The following ASCC3 variants were observed in gnomAD, a reference collection of about 807,000 sequenced individuals.
ASCC3 encodes the protein ASC-1 complex subunit P200.
Under a neutral mutation model 256.3 loss-of-function variants are expected in ASCC3, and 158 were observed. That is an observed-to-expected ratio of 0.62 (90% CI 0.54 to 0.70). The LOEUF (loss-of-function observed/expected upper bound fraction) is 0.70. Ranked by LOEUF, ASCC3 falls within the 30% of genes least tolerant of loss-of-function variation. ASCC3 has a pLI of 0.00. For missense variants in ASCC3, 2,259 were observed against 2,626.0 expected (o/e 0.86, Z 3.05); for synonymous variants, 948 against 883.4 (o/e 1.07, Z -1.30).
rs1458727894 is a variant in ASCC3, at chr6:100,583,761, G to A, written c.5550+5873C>T. 3.9e-5 allele frequency among the ~76,000 whole-genome samples: 6 copies of A among 152,242 alleles called. No homozygotes were observed. The East Asian group carries it at 1.2e-3, about 29-fold the overall frequency. On this transcript the variant is annotated intron_variant, in intron 36 of 41. Transcript: ENST00000369162. Reference sequence around the variant, plus strand: ...TTTCCCTCTACACACTGCTTTGAATGTGTCCCAGAGATTCTGGTATGTGTG... The same window carrying A: ...TTTCCCTCTACACACTGCTTTGAATATGTCCCAGAGATTCTGGTATGTGTG...
At chr6:100,603,822 C>G (rs1772747537) in intron 33 of ASCC3, among the ~76,000 whole-genome samples, 1 of 151,786 alleles carries the variant, frequency 6.6e-6, no homozygotes, top group Non-Finnish European at 1.5e-5. Context: ...TTATACATTG[C>G]TTGATTTGAT....
intron 36 of ASCC3, among the ~76,000 whole-genome samples, chr6:100,586,769 A>G (rs1223428526): frequency 6.6e-6 from 1 of 152,126 alleles, no homozygotes; most frequent in Non-Finnish European, 1.5e-5. Context: ...AATGAACCTA[A>G]TTTCTATACG....
intron 8 of ASCC3, among the ~76,000 whole-genome samples, chr6:100,773,754 C>A (rs9322181): frequency 0.55 from 83,399 of 151,840 alleles, 23,263 homozygotes; most frequent in South Asian, 0.75. Context: ...CTACTAAATA[C>A]ATTTTTATTG....
At chr6:100,878,737 G>T (rs1209657615) in intron 1 of ASCC3, among the ~76,000 whole-genome samples, 1 of 152,170 alleles carries the variant, frequency 6.6e-6, no homozygotes, top group Non-Finnish European at 1.5e-5. Flanking sequence ...GCCCTCTTGT[G>T]AGAGTGGAAA....
At chr6:100,707,685 T>C (rs559003962) in intron 13 of ASCC3, among the ~76,000 whole-genome samples, 1 of 152,184 alleles carries the variant, frequency 6.6e-6, no homozygotes, top group Non-Finnish European at 1.5e-5. Context: ...TATCACAAAA[T>C]TGTCTATTTA....
In ASCC3 at chr6:100,725,838, C is replaced by T. The variant is rs568179229; in HGVS notation, c.1738-135G>A. The T allele has an allele frequency of 7.4e-5, 62 of 840,772 alleles. No individual in the cohort carries two copies. In the African/African-American group the frequency reaches 9.9e-4, roughly 13 times the overall value. The allele number at this position is 840,772 out of a possible 1,614,324, so 52.1% of individuals were successfully genotyped here. On this transcript the variant is annotated intron_variant, in intron 10 of 41. Coordinates refer to ENST00000369162, the MANE Select transcript of ASCC3 (RefSeq NM_006828.4). ...AAGTGTTTAGAATAGCCTAGAATTA[C>T]ATCTAATTTACTATAGACAACAGTC...
At chr6:100,662,626 A>T (rs1455342398) in intron 14 of ASCC3, 90 bp from the exon 15 acceptor site, 11 of 1,252,006 alleles carry the variant, frequency 8.8e-6, no homozygotes, top group Non-Finnish European at 1.1e-5. Flanking sequence ...CAAAGAAATC[A>T]GAAAATTATT....
Position 100,867,912 on chromosome 6 carries a change from A to G in ASCC3, c.86T>C (p.Leu29Ser), listed in dbSNP as rs780081587. ...TTCTACCTTTAACAAATCTACCTTT[A>G]AGTCAGCCACTTCTTCATTATAATT... is the stretch of plus-strand genomic sequence containing the variant. ...QDNYNEEVAD[L>S]KIKRSKLHEQ... is the part of the protein sequence containing the mutation. Residue 29 changes from leucine (L) to serine (S), a missense_variant, in exon 2 of 42, where the codon TTA becomes TCA. Physicochemically the swap from Leu to Ser is moderately radical, Grantham distance 145. This residue lies in a region of ASCC3 where 420 missense variants were observed against 419.3 expected (regional missense o/e 1.00). Transcript: ENST00000369162. 5.0e-6 allele frequency: 8 copies of G among 1,609,778 alleles called. No homozygotes were observed. In the East Asian group the frequency reaches 1.3e-4, roughly 27 times the overall value.
intron 4 of ASCC3, among the ~76,000 whole-genome samples, chr6:100,820,715 GA>G (rs35055094): frequency 2.0e-5 from 3 of 150,100 alleles, no homozygotes; most frequent in East Asian, 2.0e-4. Flanking sequence ...CACAGAATAG[GA>G]AAAAAAAAAT....
intron 8 of ASCC3, among the ~76,000 whole-genome samples, chr6:100,795,298 A>C (rs1312167047): frequency 6.6e-6 from 1 of 152,020 alleles, no homozygotes; most frequent in Non-Finnish European, 1.5e-5. Flanking sequence ...GAGAAAGCCT[A>C]TCTGGGAATC....
intron 14 of ASCC3, 144 bp downstream of exon 14, chr6:100,679,474 A>C (rs1777183473): frequency 1.8e-6 from 2 of 1,118,278 alleles, no homozygotes; most frequent in East Asian, 2.4e-5. Context: ...AAGATCATTA[A>C]GTCAAGAAAA....
intron 14 of ASCC3, among the ~76,000 whole-genome samples, chr6:100,665,088 G>A (rs1031538257): frequency 1.3e-5 from 2 of 152,146 alleles, no homozygotes; most frequent in Admixed American, 6.6e-5. Flanking sequence ...ATGTATCTGT[G>A]ATAGAGATGT....
At chr6:100,566,210 T>A (rs541832119) in intron 36 of ASCC3, among the ~76,000 whole-genome samples, 103 of 152,284 alleles carry the variant, frequency 6.8e-4, no homozygotes, top group African/African-American at 2.4e-3. Flanking sequence ...ACATACTAAT[T>A]ATCTAATTAC....
intron 13 of ASCC3, among the ~76,000 whole-genome samples, chr6:100,700,717 GC>G (rs1332606903): frequency 6.6e-6 from 1 of 152,190 alleles, no homozygotes; most frequent in Non-Finnish European, 1.5e-5. Context: ...ACATTTGACT[GC>G]CCCACTGGAT....
chr6:100,720,458 T>G (rs1012663300), intron 11 of ASCC3, among the ~76,000 whole-genome samples: 1 of 151,896 alleles, frequency 6.6e-6, no homozygotes, highest in Non-Finnish European at 1.5e-5. Flanking sequence ...AAGAAGGCAT[T>G]ACATAATTTG....
At chr6:100,811,126 A>G (rs1299077474) in intron 4 of ASCC3, among the ~76,000 whole-genome samples, 2 of 152,160 alleles carry the variant, frequency 1.3e-5, no homozygotes, top group African/African-American at 2.4e-5. Context: ...AAAAAATCAC[A>G]TAAGTGATGA....
chr6:100,875,038 A>C (rs1164373818), intron 1 of ASCC3, among the ~76,000 whole-genome samples: 1 of 152,206 alleles, frequency 6.6e-6, no homozygotes, highest in East Asian at 1.9e-4. Context: ...TCACTGAAAA[A>C]ATACTAACAT....
intron 10 of ASCC3, among the ~76,000 whole-genome samples, chr6:100,751,555 A>C (rs572592140): frequency 1.1e-4 from 17 of 152,106 alleles, no homozygotes; most frequent in African/African-American, 4.1e-4. Flanking sequence ...ATAATTGTAC[A>C]TCCAATAAAA....
At chr6:100,639,482 A>G (rs1775006716) in intron 24 of ASCC3, among the ~76,000 whole-genome samples, 2 of 152,098 alleles carry the variant, frequency 1.3e-5, no homozygotes, top group African/African-American at 2.4e-5. Context: ...CAGACCTTAT[A>G]TTTTCCATAA....
Sources: allele counts gnomAD v4.1 joint callset (sites outside exome capture counted in the v4.1 genomes callset), GRCh38; gene constraint gnomAD v4.1.1; regional missense constraint gnomAD v4.1.1; transcripts MANE v1.5; gene names NCBI Gene and HGNC (gene_info 2026-07-23, HGNC 2026-07-21).